Variants in XDH observed in about 807,000 individuals in gnomAD.
The protein encoded by XDH is xanthine dehydrogenase.
A neutral mutation model predicts 156.1 loss-of-function variants in XDH; 138 were observed. The observed-to-expected ratio is 0.88, with a 90% CI of 0.77 to 1.02. The LOEUF (loss-of-function observed/expected upper bound fraction) is 1.02, where lower values mean the gene tolerates loss of function less well. XDH is among the 50% of genes least tolerant of loss of function. XDH has a pLI of 0.00. For synonymous variants in XDH, 669 were observed against 625.7 expected, an observed-to-expected ratio of 1.07 and a Z score of -1.03; for missense variants, 1,849 against 1,684.9, an observed-to-expected ratio of 1.10 and a Z score of -1.71.
intron 35 of XDH, 39 bp from the exon 36 acceptor site, chr2:31,336,047 C>G (rs758874957): frequency 1.2e-6 from 2 of 1,607,182 alleles, no homozygotes; most frequent in Non-Finnish European, 1.7e-6. Context: ...CCAGGGTCTG[C>G]TGATCATGCT....
intron 1 of XDH, among the ~76,000 whole-genome samples, chr2:31,409,095 A>AT (rs768419566): frequency 4.1e-4 from 62 of 152,286 alleles, no homozygotes; most frequent in Non-Finnish European, 7.4e-4. Context: ...AATCAAAACA[A>AT]TTGAACTCAT....
chr2:31,403,864 C>T (rs1209909028), intron 2 of XDH, among the ~76,000 whole-genome samples: 3 of 152,146 alleles, frequency 2.0e-5, no homozygotes, highest in Non-Finnish European at 4.4e-5. Context: ...CACATGGCTG[C>T]TTCTCCCTCA....
At chr2:31,379,292 CA>C (rs1262171742) in intron 13 of XDH, among the ~76,000 whole-genome samples, 3 of 152,202 alleles carry the variant, frequency 2.0e-5, no homozygotes, top group Non-Finnish European at 4.4e-5. Context: ...CACCAATCCA[CA>C]GCGAGGTCAG....
In XDH at chr2:31,342,190, T is replaced by A. The variant is rs1267612241; in HGVS notation, c.3512A>T (p.Asp1171Val). Residue 1171 changes from aspartate to valine, a missense_variant, in exon 32 of 36, where the codon GAT becomes GTT. Transcript: ENST00000379416. ...SEVEIDCLTG[D>V]HKNLRTDIVM... The stretch of plus-strand genomic sequence containing the variant: ...GTTTTGCAAACTTCTTACCTTATGA[T>A]CTCCTGTTAGGCAGTCGATTTCTAC... 9 of 1,614,044 alleles carry A rather than the reference T, an allele frequency of 5.6e-6. No individual in the cohort carries two copies. The highest frequency in any genetic ancestry group is 6.8e-6 in the Non-Finnish European group (8 of 1,179,952).
chr2:31,400,531 C>A (rs566299647), intron 4 of XDH, among the ~76,000 whole-genome samples: 1 of 152,282 alleles, frequency 6.6e-6, no homozygotes, highest in Non-Finnish European at 1.5e-5. Flanking sequence ...TCCAACAGGG[C>A]TCTACTCCCC....
intron 24 of XDH, 96 bp downstream of exon 24, chr2:31,364,062 G>T: frequency 1.7e-6 from 2 of 1,165,792 alleles, no homozygotes; most frequent in Non-Finnish European, 2.6e-6. Context: ...TACTGCAACA[G>T]TAGCAAGCAG....
chr2:31,390,560 A>G lies in XDH; in HGVS notation c.496-2265T>C, dbSNP rs12614895. On this transcript the variant is annotated intron_variant, in intron 6 of 35. Coordinates refer to ENST00000379416, the MANE Select transcript of XDH (RefSeq NM_000379.4). Reference sequence around the variant, plus strand: ...TGATCACTGAGGTGCATGATAAGACATGTTCAGTTTTGTAAGAAACTGCCA... The same window carrying G: ...TGATCACTGAGGTGCATGATAAGACGTGTTCAGTTTTGTAAGAAACTGCCA... 3.9e-4 allele frequency among the ~76,000 whole-genome samples: 59 copies of G among 152,330 alleles called. 1 individual carries two copies. The East Asian group carries it at 0.01, about 27-fold the overall frequency.
chr2:31,381,929 T>C (rs1402974824), intron 11 of XDH, among the ~76,000 whole-genome samples: 3 of 152,184 alleles, frequency 2.0e-5, no homozygotes, highest in African/African-American at 7.2e-5. Context: ...ATACTTGAGA[T>C]TGGATCCCCA....
At chr2:31,337,534 G>T in intron 35 of XDH, 107 bp downstream of exon 35, 1 of 1,543,874 alleles carries the variant, frequency 6.5e-7, no homozygotes, top group South Asian at 1.1e-5. Flanking sequence ...AGGCTGCCCG[G>T]TTAGGAGAGA....
chr2:31,410,628 T>A (rs942558083), intron 1 of XDH, among the ~76,000 whole-genome samples: 2 of 152,118 alleles, frequency 1.3e-5, no homozygotes, highest in African/African-American at 4.8e-5. Context: ...ACAAACATAA[T>A]GACAGAATGC....
intron 17 of XDH, among the ~76,000 whole-genome samples, chr2:31,371,993 G>A (rs1686085023): frequency 6.6e-6 from 1 of 152,210 alleles, no homozygotes; most frequent in African/African-American, 2.4e-5. Flanking sequence ...CTTACCAACT[G>A]TGTGGCCTGG....
rs557926694 is a variant in XDH at position 31,372,878 on chromosome 2, T to C, written c.1687-481A>G. 4.6e-5 allele frequency among the ~76,000 whole-genome samples: 7 copies of C among 152,248 alleles called. No homozygotes were observed. In the East Asian group the frequency reaches 7.7e-4, roughly 17 times the overall value. On this transcript the variant is annotated intron_variant, in intron 16 of 35. Transcript: ENST00000379416. The stretch of plus-strand genomic sequence containing the variant: ...AATAATGAAAAGAATTAAACAAAAA[T>C]ATAATAATAATTTGCTCTCGGAGGT...
Position 31,373,532 on chromosome 2 carries a change from GGTTTGTTTGTTTGTTT to G in XDH, c.1686+325_1686+340del, listed in dbSNP as rs71405565. 1.7e-4 allele frequency among the ~76,000 whole-genome samples: 25 copies of G among 149,898 alleles called. No homozygotes were observed. The South Asian group carries it at 2.4e-3, about 14-fold the overall frequency. On this transcript the variant is annotated intron_variant, in intron 16 of 35. Transcript: ENST00000379416. ...TCTCAAAAAGCTGGAGCAGATAGAT[GGTTTGTTTGTTTGTTT>G]GTTTGTTTGTTTGTTTGTTTTAGCA...
intron 6 of XDH, among the ~76,000 whole-genome samples, chr2:31,389,833 C>T (rs1686714843): frequency 6.6e-6 from 1 of 150,924 alleles, no homozygotes; most frequent in Non-Finnish European, 1.5e-5. Context: ...GGCTTCTGCA[C>T]TGGTGCCTTT....
At chr2:31,344,081 G>A (rs1213232288) in intron 31 of XDH, among the ~76,000 whole-genome samples, 6 of 152,122 alleles carry the variant, frequency 3.9e-5, no homozygotes, top group African/African-American at 1.4e-4. Context: ...TTTTACAGCT[G>A]CTAAGTCAGA....
intron 31 of XDH, among the ~76,000 whole-genome samples, chr2:31,342,991 C>T (rs1021366122): frequency 1.3e-5 from 2 of 152,010 alleles, no homozygotes; most frequent in Non-Finnish European, 2.9e-5. Context: ...CTAGAGTTTA[C>T]AGTACACTGA....
At position 31,339,591 on chromosome 2, in the gene XDH, G is replaced by T. The variant is rs1041786150; in HGVS notation, c.3672C>A (p.Gly1224=). Residue 1224 remains glycine, a synonymous_variant, in exon 34 of 36, where the codon GGC becomes GGA. Transcript: ENST00000379416. ...ATGCCGGGATCTTGTAGGTGCTAGG[G>T]CCACGGGTGTGCAGGCTCCCCTCGG... is the stretch of plus-strand genomic sequence containing the variant. ...YSPEGSLHTR[G]PSTYKIPAFG... 3 of 1,614,198 alleles carry T rather than the reference G, an allele frequency of 1.9e-6. No homozygotes were observed. Among genetic ancestry groups the T allele is most frequent in the Non-Finnish European group, 2.5e-6 (3 of 1,180,042 alleles).
intron 32 of XDH, 105 bp downstream of exon 32, chr2:31,342,078 T>C: frequency 9.3e-7 from 1 of 1,070,272 alleles, no homozygotes. Context: ...ATGGAAGGCA[T>C]TATTTTTCCA....
chr2:31,335,844 A>C lies in XDH; in HGVS notation c.*114T>G. The C allele has an allele frequency of 8.0e-7, 1 of 1,250,848 alleles. No homozygotes were observed. The highest frequency in any genetic ancestry group is 1.2e-6 in the Non-Finnish European group (1 of 853,344). 77.5% of individuals were successfully genotyped at this position (1,250,848 alleles called of 1,614,324 possible). On this transcript the variant is annotated 3_prime_UTR_variant, in exon 36 of 36. Coordinates refer to ENST00000379416, the MANE Select transcript of XDH (RefSeq NM_000379.4). ...CTTGTCTTCCAAATCCCATCTTGAC[A>C]AATCACAGGTCTGTCATTCTGTGAC...
Sources: gnomAD v4.1 joint callset for allele counts (sites outside exome capture counted in the v4.1 genomes callset) on GRCh38, gnomAD v4.1.1 for gene constraint, MANE v1.5 for transcripts, NCBI Gene and HGNC (gene_info 2026-07-23, HGNC 2026-07-21) for gene names.